The following RCBTB1 variants were observed in gnomAD, a reference collection of about 807,000 sequenced individuals.
RCBTB1 encodes the protein RCC1 and BTB domain-containing protein 1.
A neutral mutation model predicts 62.4 loss-of-function variants in RCBTB1; 46 were observed. That is an observed-to-expected ratio of 0.74 (90% CI 0.58 to 0.94). The LOEUF (loss-of-function observed/expected upper bound fraction) is 0.94, where lower values mean the gene tolerates loss of function less well. Ranked by LOEUF, RCBTB1 falls within the 40% of genes least tolerant of loss-of-function variation. RCBTB1 has a pLI of 0.00. For missense variants in RCBTB1, 565 were observed against 654.9 expected (o/e 0.86, Z 1.50); for synonymous variants, 222 against 245.8 (o/e 0.90, Z 0.91).
chr13:49,564,891 A>C (rs1594318656), intron 4 of RCBTB1, among the ~76,000 whole-genome samples: 1 of 80,388 alleles, frequency 1.2e-5, no homozygotes. Context: ...ACTCCGTCTC[A>C]AAAAAAAAAA....
chr13:49,574,029 C>T (rs963205417), intron 2 of RCBTB1, among the ~76,000 whole-genome samples: 23 of 149,262 alleles, frequency 1.5e-4, no homozygotes, highest in Admixed American at 5.4e-4. Flanking sequence ...AGTGATCCAC[C>T]CACCTGGGCC....
chr13:49,535,494 C>T (rs968896096), intron 12 of RCBTB1, among the ~76,000 whole-genome samples: 3 of 152,198 alleles, frequency 2.0e-5, no homozygotes, highest in Admixed American at 6.5e-5. Flanking sequence ...CGGGTTCTAT[C>T]GAACCAGAAG....
intron 3 of RCBTB1, 99 bp from the exon 4 acceptor site, chr13:49,566,867 T>A (rs1963056929): frequency 8.5e-7 from 1 of 1,171,726 alleles, no homozygotes; most frequent in Non-Finnish European, 1.2e-6. Flanking sequence ...ACTACAGAGC[T>A]CAGGAGGTGA....
chr13:49,565,533 C>T (rs1471731694), intron 4 of RCBTB1, among the ~76,000 whole-genome samples: 2 of 143,458 alleles, frequency 1.4e-5, no homozygotes, highest in Non-Finnish European at 3.1e-5. Flanking sequence ...AAGTGAGGAG[C>T]GCCTCTTCCC....
chr13:49,582,649 C>T (rs1964171986), intron 1 of RCBTB1, among the ~76,000 whole-genome samples: 1 of 152,212 alleles, frequency 6.6e-6, no homozygotes, highest in African/African-American at 2.4e-5. Flanking sequence ...CTCTCATTCT[C>T]ATTCTCTCTC....
chr13:49,585,551 G>A lies in RCBTB1; in HGVS notation c.-229C>T, dbSNP rs1964363259. On this transcript the variant is annotated 5_prime_UTR_variant, in exon 1 of 13. Transcript: ENST00000378302. ...CGGCGGTGCCCACCGGCAGCGAAGA[G>A]GAGGAGCGCCAGGGCGCCGGGCCCG... 1 of 151,420 alleles carries A rather than the reference G, an allele frequency of 6.6e-6. No homozygotes were observed. Among genetic ancestry groups the A allele is most frequent in the Non-Finnish European group, 1.5e-5 (1 of 67,906 alleles). The allele number at this position is 151,420 out of a possible 1,614,324, so 9.4% of individuals were successfully genotyped here. A position where few individuals can be genotyped will look rare whatever the true frequency, so the allele number is the denominator to read the frequency against.
At chr13:49,544,104 C>T in intron 10 of RCBTB1, among the ~76,000 whole-genome samples, 1 of 152,184 alleles carries the variant, frequency 6.6e-6, no homozygotes, top group Non-Finnish European at 1.5e-5. Flanking sequence ...TCAATAACAA[C>T]CTTTTGTATT....
chr13:49,566,234 G>A (rs961997689), intron 4 of RCBTB1, among the ~76,000 whole-genome samples: 2 of 150,208 alleles, frequency 1.3e-5, no homozygotes, highest in African/African-American at 2.5e-5. Context: ...CCCCCTATGC[G>A]AGAAACACCC....
chr13:49,559,597 A>T (rs1217426307), intron 5 of RCBTB1, among the ~76,000 whole-genome samples: 2 of 147,240 alleles, frequency 1.4e-5, no homozygotes, highest in Non-Finnish European at 3.0e-5. Context: ...CGGAGCTTGC[A>T]GTGAGCAGAG....
rs751566216 is a variant in RCBTB1, at chr13:49,566,746, T to C, written c.149A>G (p.Tyr50Cys). ...NDEVFVFGLN[Y>C]SNCLGTGDNQ... ...ATCTCCAGTTCCTAGACAGTTACTA[T>C]AGTTCAGTCCAAATACAAAGACCTA... The change falls in exon 4 of 13, where the codon TAT becomes TGT. Residue 50 changes from tyrosine (Y) to cysteine (C), a missense_variant. Physicochemically the swap from Tyr to Cys is radical, Grantham distance 194 (BLOSUM62 -2). Transcript: ENST00000378302. The C allele has an allele frequency of 1.9e-5, 31 of 1,612,210 alleles. No individual in the cohort carries two copies. The highest frequency in any genetic ancestry group is 4.0e-5 in the African/African-American group (3 of 74,810).
intron 5 of RCBTB1, among the ~76,000 whole-genome samples, chr13:49,555,964 G>T (rs1249242240): frequency 6.6e-6 from 1 of 152,084 alleles, no homozygotes; most frequent in Non-Finnish European, 1.5e-5. Context: ...AGCGCTAAGA[G>T]AATTTAACCC....
intron 2 of RCBTB1, among the ~76,000 whole-genome samples, chr13:49,568,364 T>C (rs12430435): frequency 0.33 from 50,091 of 152,126 alleles, 10,092 homozygotes; most frequent in East Asian, 0.6. Flanking sequence ...CACATTATTG[T>C]ATTGACATGT....
chr13:49,576,819 GTTA>G (rs1963816494), intron 2 of RCBTB1, among the ~76,000 whole-genome samples: 1 of 151,158 alleles, frequency 6.6e-6, no homozygotes, highest in South Asian at 2.1e-4. Flanking sequence ...CTCTTTATGA[GTTA>G]TTATTAGGTG....
chr13:49,578,918 A>G (rs1963937714), intron 2 of RCBTB1, among the ~76,000 whole-genome samples: 1 of 152,222 alleles, frequency 6.6e-6, no homozygotes, highest in Non-Finnish European at 1.5e-5. Context: ...AAACATTCAA[A>G]TAAGAGAGCT....
Position 49,567,149 on chromosome 13 carries a change from C to T in RCBTB1, c.126+5G>A, listed in dbSNP as rs773930335. The T allele has an allele frequency of 5.6e-6, 9 of 1,613,586 alleles. No individual in the cohort carries two copies. In the East Asian group the frequency reaches 1.8e-4, roughly 32 times the overall value. On this transcript the variant is annotated splice_donor_5th_base_variant and intron_variant, in intron 3 of 12. Transcript: ENST00000378302. ...AAACGAAACTAGGTTTCAAGAGACT[C>T]TTACCTCATCATTGTCAGTAACGTA...
At chr13:49,584,037 C>G (rs1964255828) in intron 1 of RCBTB1, among the ~76,000 whole-genome samples, 1 of 152,204 alleles carries the variant, frequency 6.6e-6, no homozygotes, top group South Asian at 2.1e-4. Context: ...ACAGTTTCAT[C>G]TACCCCACAA....
Position 49,571,759 on chromosome 13 carries a change from T to A in RCBTB1, c.-41-4439A>T, listed in dbSNP as rs377703528. 2.3e-4 allele frequency among the ~76,000 whole-genome samples: 35 copies of A among 152,268 alleles called. No homozygotes were observed. The East Asian group carries it at 4.0e-3, about 18-fold the overall frequency. The stretch of plus-strand genomic sequence containing the variant: ...GTAACTGTAAATACCACCAAAACTT[T>A]CTAATTTACTCAAAATTACCACCAT... On this transcript the variant is annotated intron_variant, in intron 2 of 12. Transcript: ENST00000378302.
chr13:49,574,064 G>A (rs548618852), intron 2 of RCBTB1, among the ~76,000 whole-genome samples: 34 of 150,790 alleles, frequency 2.3e-4, no homozygotes, highest in African/African-American at 7.8e-4. Context: ...GATTACAGGC[G>A]TGAGCCACCA....
chr13:49,537,488 C>A (rs1384651227), intron 12 of RCBTB1, among the ~76,000 whole-genome samples: 1 of 152,146 alleles, frequency 6.6e-6, no homozygotes, highest in African/African-American at 2.4e-5. Flanking sequence ...TACTCATACC[C>A]CAGACCAACT....
Sources: gnomAD v4.1 joint callset for allele counts (sites outside exome capture counted in the v4.1 genomes callset) on GRCh38, gnomAD v4.1.1 for gene constraint, MANE v1.5 for transcripts, NCBI Gene and HGNC (gene_info 2026-07-23, HGNC 2026-07-21) for gene names.